Variants in TMEM8B observed in about 807,000 individuals in gnomAD.
The protein encoded by TMEM8B is transmembrane protein 8B, also known as nasopharyngeal carcinoma expressed 6.
Under a neutral mutation model 49.3 loss-of-function variants are expected in TMEM8B, and 29 were observed. The ratio of observed to expected loss-of-function variants is 0.59; its 90% CI spans 0.44 to 0.80. The LOEUF is 0.80. Ranked by LOEUF, TMEM8B falls within the 30% of genes least tolerant of loss-of-function variation. The pLI is 0.00. For missense variants in TMEM8B, 575 were observed against 658.5 expected, an observed-to-expected ratio of 0.87 and a Z score of 1.39; for synonymous variants, 264 against 272.8, an observed-to-expected ratio of 0.97 and a Z score of 0.32.
At chr9:35,833,487 T>C in intron 1 of TMEM8B, 1 of 353,606 alleles carries the variant, frequency 2.8e-6, no homozygotes, top group Non-Finnish European at 4.0e-6. Flanking sequence ...GCTATTCTAG[T>C]CCCTTGCCTG....
In TMEM8B at chr9:35,857,832, T is replaced by C. The variant is rs999007109; in HGVS notation, c.*3992T>C. 4 of 152,226 alleles carry C rather than the reference T, an allele frequency of 2.6e-5. No individual in the cohort carries two copies. The highest frequency in any genetic ancestry group is 9.7e-5 in the African/African-American group (4 of 41,434). The allele number at this position is 152,226 out of a possible 1,614,324, so 9.4% of individuals were successfully genotyped here. On this transcript the variant is annotated 3_prime_UTR_variant, in exon 13 of 13. Transcript: ENST00000643932. ...TGGGCCAGCAGTTAGGAAAGAAGGC[T>C]GAGTGTGAAGTGAGGGGCAGTAAGG...
In TMEM8B at chr9:35,846,928, T is replaced by C. The variant is rs770539556; in HGVS notation, c.2108T>C (p.Val703Ala). 1.2e-6 allele frequency: 2 copies of C among 1,614,114 alleles called. No homozygotes were observed. The highest frequency in any genetic ancestry group is 2.7e-5 in the African/African-American group (2 of 74,942). ...AACCTCATGTTTCTGCCACCTGTGGTCCTGGCCATTCGGAGTCGATATGTG... is the reference window on the plus strand; with the variant it reads ...AACCTCATGTTTCTGCCACCTGTGGCCCTGGCCATTCGGAGTCGATATGTG... ...LSNLMFLPPV[V>A]LAIRSRYVLE... The change falls in exon 10 of 13, where the codon GTC (valine) becomes GCC (alanine). Residue 703 changes from valine (V) to alanine (A), a missense_variant. Val to Ala is a moderately conservative substitution (Grantham distance 64). Coordinates refer to ENST00000643932, the MANE Select transcript of TMEM8B (RefSeq NM_001042590.4).
At chr9:35,833,900 T>C (rs1194561988) in intron 1 of TMEM8B, among the ~76,000 whole-genome samples, 1 of 152,172 alleles carries the variant, frequency 6.6e-6, no homozygotes, top group Non-Finnish European at 1.5e-5. Context: ...TGAGGGTTTT[T>C]ACTGCTCCTA....
Position 35,842,341 on chromosome 9 carries a change from T to C in TMEM8B, c.1310-51T>C. On this transcript the variant is annotated intron_variant, in intron 5 of 12. Coordinates refer to ENST00000643932, the MANE Select transcript of TMEM8B (RefSeq NM_001042590.4). This position sits in a 1 kb window ranked among gnomAD's most constrained non-coding sequence, Gnocchi z 5.6. ...AGCTCAGATGTGTTTATGAGTAAGT[T>C]CAGGACTGTAAAGGCTGCAGGCCCA... 2.2e-6 allele frequency: 3 copies of C among 1,369,552 alleles called. No homozygotes were observed. The highest frequency in any genetic ancestry group is 2.9e-6 in the Non-Finnish European group (3 of 1,023,738). 84.8% of individuals were successfully genotyped at this position (1,369,552 alleles called of 1,614,324 possible).
At chr9:35,846,173 G>T in intron 7 of TMEM8B, 85 bp from the exon 8 acceptor site, 1 of 1,607,224 alleles carries the variant, frequency 6.2e-7, no homozygotes. Flanking sequence ...ATAGGCTAGG[G>T]TTCCGGGAAG....
rs564370212 is a variant in TMEM8B, at chr9:35,855,759, C to T, written c.*1919C>T. 152 of 152,324 alleles carry T rather than the reference C, an allele frequency of 1.0e-3. No homozygotes were observed. Among genetic ancestry groups the T allele is most frequent in the African/African-American group, 3.3e-3 (138 of 41,552 alleles). 9.4% of individuals were successfully genotyped at this position (152,324 alleles called of 1,614,324 possible). The stretch of plus-strand genomic sequence containing the variant: ...CCCTTCAGGACCTAGGCTTTTGAAA[C>T]CCAAAAGCCAGGAAAACATGCCTTT... On this transcript the variant is annotated 3_prime_UTR_variant, in exon 13 of 13. Transcript: ENST00000643932.
chr9:35,830,655 G>GT (rs5897618), intron 1 of TMEM8B, among the ~76,000 whole-genome samples: 90,034 of 151,134 alleles, frequency 0.6, 26,990 homozygotes, highest in East Asian at 0.75. Flanking sequence ...ATACTAGTGT[G>GT]TTTTTTTTTA....
Position 35,853,832 on chromosome 9 carries a change from G to A in TMEM8B, c.2767G>A (p.Ala923Thr). Residue 923 changes from alanine (A) to threonine (T), a missense_variant, in exon 13 of 13, where the codon GCC (alanine) becomes ACC (threonine). Transcript: ENST00000643932. This position sits in a 1 kb window ranked among gnomAD's most constrained non-coding sequence, Gnocchi z 4.2. ...AGGGGCCACTGTCAGCAGCATCTGT[G>A]CCAGCTGAGAGGGGCTTTGGGCCTG... ...PGGATVSSIC[A>T]S is the part of the protein sequence containing the mutation. 7 of 1,538,792 alleles carry A rather than the reference G, an allele frequency of 4.5e-6. No homozygotes were observed. Among genetic ancestry groups the A allele is most frequent in the Non-Finnish European group, 6.1e-6 (7 of 1,146,706 alleles).
At chr9:35,833,699 G>A (rs1053962349) in intron 1 of TMEM8B, among the ~76,000 whole-genome samples, 3 of 152,084 alleles carry the variant, frequency 2.0e-5, no homozygotes, top group African/African-American at 7.2e-5. Context: ...ACATTCCCCC[G>A]GCCCCCACCT....
intron 3 of TMEM8B, among the ~76,000 whole-genome samples, chr9:35,838,235 A>T (rs941146706): frequency 2.6e-5 from 4 of 152,168 alleles, no homozygotes; most frequent in African/African-American, 9.7e-5. Flanking sequence ...AGTGGAAAGT[A>T]AGTTTTCCTC....
intron 9 of TMEM8B, 21 bp from the exon 10 acceptor site, chr9:35,846,796 C>G: frequency 6.2e-7 from 1 of 1,605,064 alleles, no homozygotes; most frequent in Non-Finnish European, 8.5e-7. Context: ...CTCTTCCATT[C>G]TGTGCCTTCC....
intron 1 of TMEM8B, among the ~76,000 whole-genome samples, chr9:35,832,863 A>G (rs1256999279): frequency 6.6e-6 from 1 of 152,084 alleles, no homozygotes; most frequent in Non-Finnish European, 1.5e-5. Context: ...CGTCTCTTCC[A>G]TCAGTCGGTC....
At chr9:35,846,698 C>T (rs1831621887) in intron 9 of TMEM8B, 87 bp downstream of exon 9, 2 of 1,543,766 alleles carry the variant, frequency 1.3e-6, no homozygotes, top group African/African-American at 2.7e-5. Flanking sequence ...TAGGGGAGTG[C>T]GCAGCCTGAA....
rs1830245644 is a variant in TMEM8B, at chr9:35,834,487, A to G, written c.535A>G (p.Thr179Ala). ...AGGLFLTDYS[T>A]CSPRKLSPFR... ...AGGCCTTTTCCTGACTGATTACTCC[A>G]CCTGCTCACCCCGCAAGCTGAGTCC... The change falls in exon 2 of 13, where the codon ACC becomes GCC. Residue 179 changes from threonine (T) to alanine (A), a missense_variant. Thr to Ala is a moderately conservative substitution (Grantham distance 58, BLOSUM62 0). Coordinates refer to ENST00000643932, the MANE Select transcript of TMEM8B (RefSeq NM_001042590.4). 9.6e-6 allele frequency: 4 copies of G among 415,988 alleles called. No homozygotes were observed. The highest frequency in any genetic ancestry group is 1.8e-5 in the Non-Finnish European group (4 of 226,588). The allele number at this position is 415,988 out of a possible 1,614,324, so 25.8% of individuals were successfully genotyped here. A position where few individuals can be genotyped will look rare whatever the true frequency, so the allele number is the denominator to read the frequency against.
At position 35,854,136 on chromosome 9, in the gene TMEM8B, A is replaced by G; in HGVS notation, c.*296A>G. 1 of 704,764 alleles carries G rather than the reference A, an allele frequency of 1.4e-6. No homozygotes were observed. Among genetic ancestry groups the G allele is most frequent in the Non-Finnish European group, 1.9e-6 (1 of 523,650 alleles). 43.7% of individuals were successfully genotyped at this position (704,764 alleles called of 1,614,324 possible). ...AGGTGTGGAGCCTTTCCTGGGATGCAGAGCCTTCCCAAGACATGGATTCCT... is the reference window on the plus strand; with the variant it reads ...AGGTGTGGAGCCTTTCCTGGGATGCGGAGCCTTCCCAAGACATGGATTCCT... On this transcript the variant is annotated 3_prime_UTR_variant, in exon 13 of 13. Coordinates refer to ENST00000643932, the MANE Select transcript of TMEM8B (RefSeq NM_001042590.4).
At chr9:35,848,735 C>T (rs1021064236) in intron 10 of TMEM8B, among the ~76,000 whole-genome samples, 13 of 142,510 alleles carry the variant, frequency 9.1e-5, no homozygotes, top group Admixed American at 2.3e-4. Flanking sequence ...AGTGCAGTGG[C>T]GCGATCTTAG....
chr9:35,834,465 C>A lies in TMEM8B; in HGVS notation c.513C>A (p.Gly171=). The A allele has an allele frequency of 4.8e-6, 2 of 415,894 alleles. No homozygotes were observed. Among genetic ancestry groups the A allele is most frequent in the Non-Finnish European group, 8.8e-6 (2 of 226,632 alleles). 25.8% of individuals were successfully genotyped at this position (415,894 alleles called of 1,614,324 possible). A position where few individuals can be genotyped will look rare whatever the true frequency, so the allele number is the denominator to read the frequency against. ...LFSVLGPGAG[G]LFLTDYSTCS... ...TCTCTCTCTCCTGCTTCCCAGGAGG[C>A]CTTTTCCTGACTGATTACTCCACCT... Residue 171 remains glycine, a synonymous_variant, in exon 2 of 13, where the codon GGC becomes GGA. Coordinates refer to ENST00000643932, the MANE Select transcript of TMEM8B (RefSeq NM_001042590.4).
intron 10 of TMEM8B, among the ~76,000 whole-genome samples, chr9:35,850,472 G>A (rs1386303948): frequency 6.6e-6 from 1 of 152,054 alleles, no homozygotes; most frequent in Non-Finnish European, 1.5e-5. Flanking sequence ...GTTTTTAGTG[G>A]ACTAATTCCC....
chr9:35,848,799 T>C (rs908994991), intron 10 of TMEM8B, among the ~76,000 whole-genome samples: 3 of 151,126 alleles, frequency 2.0e-5, no homozygotes, highest in Non-Finnish European at 4.4e-5. Flanking sequence ...CTCAGCCTCC[T>C]GAGTAGCTGG....
Sources: gnomAD v4.1 joint callset for allele counts (sites outside exome capture counted in the v4.1 genomes callset) on GRCh38, gnomAD v4.1.1 for gene constraint, Gnocchi (gnomAD v3.1) non-coding constraint, MANE v1.5 for transcripts, NCBI Gene and HGNC (gene_info 2026-07-23, HGNC 2026-07-21) for gene names.